ATP6V1B1: variants seen among roughly 807,000 people sequenced by gnomAD.
The protein encoded by ATP6V1B1 is V-type proton ATPase subunit B, kidney isoform.
Under a neutral mutation model 62.1 loss-of-function variants are expected in ATP6V1B1, and 41 were observed. The observed-to-expected ratio is 0.66, with a 90% CI of 0.51 to 0.86. ATP6V1B1 has a LOEUF of 0.86. Ranked by LOEUF, ATP6V1B1 falls within the 40% of genes least tolerant of loss-of-function variation. The pLI is 0.00. For synonymous variants in ATP6V1B1, 253 were observed against 273.4 expected (o/e 0.93, Z 0.74); for missense variants, 651 against 697.5 (o/e 0.93, Z 0.75).
Position 70,965,022 on chromosome 2 carries a change from C to G in ATP6V1B1, c.1443C>G (p.Phe481Leu), listed in dbSNP as rs782368883. ...TGGGCTGGAAGCTGCTGCGCATCTTCCCCAAGGAGATGCTGAAGCGCATTC... is the reference window on the plus strand; with the variant it reads ...TGGGCTGGAAGCTGCTGCGCATCTTGCCCAAGGAGATGCTGAAGCGCATTC... ...LDLGWKLLRI[F>L]PKEMLKRIPQ... The change falls in exon 14 of 14, where the codon TTC (phenylalanine) becomes TTG (leucine). Residue 481 changes from phenylalanine (F) to leucine (L), a missense_variant. Coordinates refer to ENST00000234396, the MANE Select transcript of ATP6V1B1 (RefSeq NM_001692.4). 1 of 1,613,780 alleles carries G rather than the reference C, an allele frequency of 6.2e-7. No homozygotes were observed. The highest frequency in any genetic ancestry group is 8.5e-7 in the Non-Finnish European group (1 of 1,180,044).
At position 70,936,067 on chromosome 2, in the gene ATP6V1B1, G is replaced by A. The variant is rs782166295; in HGVS notation, c.113G>A (p.Arg38His). The change falls in exon 1 of 14, where the codon CGT (arginine) becomes CAT (histidine). Residue 38 changes from arginine to histidine, a missense_variant. Transcript: ENST00000234396. ...AVTRNYITHP[R>H]VTYRTVCSVN... Reference sequence around the variant, plus strand: ...ACCCGAAACTACATCACCCACCCCCGTGTCAGTGAGTAGCCCCTCCACCGT... The same window carrying A: ...ACCCGAAACTACATCACCCACCCCCATGTCAGTGAGTAGCCCCTCCACCGT... 29 of 1,613,818 alleles carry A rather than the reference G, an allele frequency of 1.8e-5. No individual in the cohort carries two copies. The East Asian group carries it at 2.2e-4, about 12-fold the overall frequency.
At chr2:70,956,228 C>A in intron 2 of ATP6V1B1, 1 of 221,260 alleles carries the variant, frequency 4.5e-6, no homozygotes, top group South Asian at 8.9e-5. Flanking sequence ...TTCTCCTCTC[C>A]ATCCATTTTG....
chr2:70,956,496 T>A (rs1572918029), intron 2 of ATP6V1B1, among the ~76,000 whole-genome samples: 1 of 152,280 alleles, frequency 6.6e-6, no homozygotes, highest in Non-Finnish European at 1.5e-5. Context: ...TTTTGGCTAT[T>A]ATGAATATTG....
At chr2:70,960,802 GC>G in intron 6 of ATP6V1B1, 118 bp from the exon 7 acceptor site, 1 of 553,690 alleles carries the variant, frequency 1.8e-6, no homozygotes, top group Non-Finnish European at 3.2e-6. Flanking sequence ...ACCTGGGGCA[GC>G]CCCCTCACCT....
chr2:70,942,285 T>G lies in ATP6V1B1; in HGVS notation c.119-1373T>G, dbSNP rs147810530. 4.6e-4 allele frequency: 184 copies of G among 398,960 alleles called. 2 individuals are homozygous for G. The highest frequency in any genetic ancestry group is 3.6e-3 in the African/African-American group (173 of 48,684). 24.7% of individuals were successfully genotyped at this position (398,960 alleles called of 1,614,324 possible). Reference sequence around the variant, plus strand: ...TTTGAAGGCAGGGAGCTGAGGGAGATCCCCTGCTCTGGCAAAGTGCAAGTT... The same window carrying G: ...TTTGAAGGCAGGGAGCTGAGGGAGAGCCCCTGCTCTGGCAAAGTGCAAGTT... On this transcript the variant is annotated intron_variant, in intron 1 of 13. Transcript: ENST00000234396.
intron 7 of ATP6V1B1, 117 bp from the exon 8 acceptor site, chr2:70,961,479 C>T (rs1405283462): frequency 1.3e-5 from 14 of 1,087,892 alleles, no homozygotes; most frequent in Non-Finnish European, 1.7e-5. Context: ...GGTGTCTTCA[C>T]CCCCAGCGAC....
chr2:70,936,900 T>C (rs1159631548), intron 1 of ATP6V1B1, among the ~76,000 whole-genome samples: 2 of 152,122 alleles, frequency 1.3e-5, no homozygotes, highest in East Asian at 1.9e-4. Flanking sequence ...GAGGCCCTAC[T>C]TGTGGCTCCT....
intron 1 of ATP6V1B1, chr2:70,942,246 GT>G: frequency 2.5e-6 from 1 of 403,446 alleles, no homozygotes; most frequent in East Asian, 3.6e-5. Flanking sequence ...GGCCAGGCAG[GT>G]CTGTAAGGTA....
At chr2:70,943,478 C>T (rs782166980) in intron 1 of ATP6V1B1, 180 bp from the exon 2 acceptor site, 34 of 733,600 alleles carry the variant, frequency 4.6e-5, no homozygotes, top group Non-Finnish European at 6.0e-5. Flanking sequence ...AGGGGCCCTG[C>T]GGGCAGGGGC....
intron 12 of ATP6V1B1, 97 bp downstream of exon 12, chr2:70,964,639 T>C: frequency 1.2e-6 from 2 of 1,612,298 alleles, no homozygotes; most frequent in South Asian, 2.2e-5. Flanking sequence ...CCTGGCAAAA[T>C]TCCTTTCCGA....
chr2:70,945,717 TA>T (rs1680149586), intron 2 of ATP6V1B1, among the ~76,000 whole-genome samples: 3 of 128,882 alleles, frequency 2.3e-5, no homozygotes, highest in Non-Finnish European at 4.8e-5. Flanking sequence ...TATATATATA[TA>T]TATATATATA....
intron 2 of ATP6V1B1, among the ~76,000 whole-genome samples, chr2:70,949,281 T>C (rs1553417924): frequency 6.6e-6 from 1 of 152,178 alleles, no homozygotes; most frequent in Non-Finnish European, 1.5e-5. Context: ...TTTTGGATAC[T>C]GGCATAGCAG....
chr2:70,941,286 A>AC, intron 1 of ATP6V1B1: 2 of 985,490 alleles, frequency 2.0e-6, no homozygotes, highest in Non-Finnish European at 2.4e-6. Flanking sequence ...GATGAGCACC[A>AC]CAGATGATGT....
chr2:70,936,786 G>C (rs148584859), intron 1 of ATP6V1B1, among the ~76,000 whole-genome samples: 261 of 152,310 alleles, frequency 1.7e-3, no homozygotes, highest in Middle Eastern at 6.8e-3. Context: ...TCACATATCT[G>C]AGTATGGTGA....
At chr2:70,954,131 C>A (rs1680380478) in intron 2 of ATP6V1B1, among the ~76,000 whole-genome samples, 1 of 152,040 alleles carries the variant, frequency 6.6e-6, no homozygotes, top group East Asian at 1.9e-4. Flanking sequence ...TTAATAATTT[C>A]TCCTCTTATT....
intron 1 of ATP6V1B1, among the ~76,000 whole-genome samples, chr2:70,937,803 C>T (rs529307291): frequency 1.2e-3 from 186 of 152,208 alleles, no homozygotes; most frequent in African/African-American, 4.2e-3. Flanking sequence ...CCCCACACTC[C>T]TCTGGGCAGG....
At chr2:70,962,645 G>A in intron 8 of ATP6V1B1, 132 bp from the exon 9 acceptor site, 1 of 1,447,772 alleles carries the variant, frequency 6.9e-7, no homozygotes, top group Non-Finnish European at 9.4e-7. Flanking sequence ...TGGGGGCAAG[G>A]GCTCATCTTA....
At chr2:70,940,527 T>C (rs1679966492) in intron 1 of ATP6V1B1, 4 of 985,436 alleles carry the variant, frequency 4.1e-6, no homozygotes, top group Non-Finnish European at 4.8e-6. Flanking sequence ...CCAGACAATC[T>C]GATCCAAACA....
chr2:70,964,697 A>G lies in ATP6V1B1; in HGVS notation c.1249-39A>G, dbSNP rs374704589. 3.1e-6 allele frequency: 5 copies of G among 1,612,806 alleles called. No homozygotes were observed. In the African/African-American group the frequency reaches 5.3e-5, roughly 17 times the overall value. The stretch of plus-strand genomic sequence containing the variant: ...TTGGGGGCTACTGGACTCCCGTGGT[A>G]AGCCCGCAGCGGCCACCGACGCCTT... On this transcript the variant is annotated intron_variant, in intron 12 of 13. Coordinates refer to ENST00000234396, the MANE Select transcript of ATP6V1B1 (RefSeq NM_001692.4).
Sources: allele counts gnomAD v4.1 joint callset (sites outside exome capture counted in the v4.1 genomes callset), GRCh38; gene constraint gnomAD v4.1.1; transcripts MANE v1.5; gene names NCBI Gene and HGNC (gene_info 2026-07-23, HGNC 2026-07-21).